NFILZ: variants seen among roughly 807,000 people sequenced by gnomAD.
NFILZ encodes NFIL3 like basic leucine zipper.
chr19:8,639,599 T>TA (rs5827009), intron 3 of NFILZ, among the ~76,000 whole-genome samples: 9,422 of 132,694 alleles, frequency 0.071, 466 homozygotes, highest in East Asian at 0.3. Context: ...TTAAGAAAAT[T>TA]AAAAAAAAAA....
At chr19:8,647,061 G>A (rs1170969716) in intron 3 of NFILZ, among the ~76,000 whole-genome samples, 1 of 152,170 alleles carries the variant, frequency 6.6e-6, no homozygotes, top group African/African-American at 2.4e-5. Flanking sequence ...TGCCTTATAA[G>A]TTTGGGTGAG....
At chr19:8,656,289 C>CCTCCTCCCTGAAGCCCACCTCTTCTCTGA (rs1212956882) in intron 3 of NFILZ, among the ~76,000 whole-genome samples, 3 of 32,958 alleles carry the variant, frequency 9.1e-5, no homozygotes, top group Non-Finnish European at 2.2e-4. Flanking sequence ...CTTCTCCCCA[C>CCTCCTCCCTGAAGCCCACCTCTTCTCTGA]AGCCCACCTC....
At chr19:8,658,284 G>T (rs192906416) in intron 3 of NFILZ, among the ~76,000 whole-genome samples, 1 of 152,088 alleles carries the variant, frequency 6.6e-6, no homozygotes, top group Non-Finnish European at 1.5e-5. Context: ...TCAGCTGCGG[G>T]CACTTCCCCT....
intron 3 of NFILZ, among the ~76,000 whole-genome samples, chr19:8,661,241 C>A (rs1243145969): frequency 2.0e-5 from 3 of 150,486 alleles, no homozygotes; most frequent in Non-Finnish European, 3.0e-5. Flanking sequence ...TAGCTCACTG[C>A]AGCCTCGACC....
intron 3 of NFILZ, among the ~76,000 whole-genome samples, chr19:8,655,454 C>T (rs966512170): frequency 1.3e-5 from 2 of 152,176 alleles, no homozygotes; most frequent in Non-Finnish European, 2.9e-5. Flanking sequence ...ACAGCACCTG[C>T]TCCCTGGGCA....
At chr19:8,631,983 T>A (rs901636238) in intron 1 of NFILZ, among the ~76,000 whole-genome samples, 4 of 151,840 alleles carry the variant, frequency 2.6e-5, no homozygotes, top group African/African-American at 9.7e-5. Context: ...AATTCTTTCG[T>A]CTCAGCCTCT....
rs1446344369 is a variant in NFILZ at position 8,678,766 on chromosome 19, T to C, written c.*1131T>C. On this transcript the variant is annotated 3_prime_UTR_variant, in exon 6 of 6. Coordinates refer to ENST00000691075, the MANE Select transcript of NFILZ (RefSeq NM_001378600.1). Reference sequence around the variant, plus strand: ...ACTCATTTATGTGCTAACTTGTTTATTCATTCATTCTCTTACTCATTAATT... The same window carrying C: ...ACTCATTTATGTGCTAACTTGTTTACTCATTCATTCTCTTACTCATTAATT... Among the ~76,000 whole-genome samples, 11 of 152,208 alleles carry C rather than the reference T, an allele frequency of 7.2e-5. No individual in the cohort carries two copies. The highest frequency in any genetic ancestry group is 1.0e-4 in the Non-Finnish European group (7 of 68,042).
At chr19:8,665,119 A>G (rs2043055821) in intron 3 of NFILZ, among the ~76,000 whole-genome samples, 1 of 152,166 alleles carries the variant, frequency 6.6e-6, no homozygotes. Flanking sequence ...GGGCAGACCC[A>G]GAGAGATTGC....
chr19:8,659,010 C>A (rs1434585061), intron 3 of NFILZ, among the ~76,000 whole-genome samples: 4 of 151,922 alleles, frequency 2.6e-5, no homozygotes, highest in Admixed American at 2.0e-4. Context: ...CTTTGGGAGG[C>A]CAAGCTGGGT....
intron 3 of NFILZ, among the ~76,000 whole-genome samples, chr19:8,672,483 CAA>C (rs1209019668): frequency 6.6e-6 from 1 of 150,868 alleles, no homozygotes; most frequent in Non-Finnish European, 1.5e-5. Context: ...TTAGTTCATT[CAA>C]AAAAAATCCA....
chr19:8,679,159 C>T lies in NFILZ; in HGVS notation c.*1524C>T, dbSNP rs1471748619. Among the ~76,000 whole-genome samples, 2 of 145,376 alleles carry T rather than the reference C, an allele frequency of 1.4e-5. No homozygotes were observed. Among genetic ancestry groups the T allele is most frequent in the African/African-American group, 5.2e-5 (2 of 38,710 alleles). ...CCCCTGCCCCTGAGAACCAGGTATA[C>T]ACCCACCCAGGTGGAAGGGTCCATT... On this transcript the variant is annotated 3_prime_UTR_variant, in exon 6 of 6. Coordinates refer to ENST00000691075, the MANE Select transcript of NFILZ (RefSeq NM_001378600.1).
At chr19:8,655,988 C>T (rs568596916) in intron 3 of NFILZ, among the ~76,000 whole-genome samples, 1 of 152,010 alleles carries the variant, frequency 6.6e-6, no homozygotes, top group Non-Finnish European at 1.5e-5. Flanking sequence ...CTGCCCCATC[C>T]AAGCCCTGCT....
chr19:8,669,141 C>T (rs537035232), intron 3 of NFILZ, among the ~76,000 whole-genome samples: 107 of 152,282 alleles, frequency 7.0e-4, no homozygotes, highest in African/African-American at 2.5e-3. Context: ...GACAGGGTTT[C>T]GCCATGTTGG....
chr19:8,669,372 T>C (rs2043076950), intron 3 of NFILZ, among the ~76,000 whole-genome samples: 1 of 152,206 alleles, frequency 6.6e-6, no homozygotes, highest in Admixed American at 6.5e-5. Context: ...GTACTGCTAT[T>C]ATTCCCCTTT....
chr19:8,657,304 A>G (rs1555748620), intron 3 of NFILZ, among the ~76,000 whole-genome samples: 1 of 150,962 alleles, frequency 6.6e-6, no homozygotes, highest in East Asian at 2.0e-4. Context: ...GGGTTTCATC[A>G]TGTTGGCCAG....
chr19:8,640,493 C>T (rs1011926714), intron 3 of NFILZ, among the ~76,000 whole-genome samples: 12 of 151,944 alleles, frequency 7.9e-5, no homozygotes, highest in African/African-American at 2.9e-4. Flanking sequence ...ACTTAGGACA[C>T]CCGGGGCCAA....
intron 3 of NFILZ, among the ~76,000 whole-genome samples, chr19:8,653,007 C>CTTT (rs1568420430): frequency 1.4e-3 from 63 of 46,594 alleles, no homozygotes; most frequent in East Asian, 2.2e-3. Flanking sequence ...TTCCTTCCTT[C>CTTT]CTTCCTTTCT....
chr19:8,655,319 G>A (rs1176395637), intron 3 of NFILZ, among the ~76,000 whole-genome samples: 2 of 152,174 alleles, frequency 1.3e-5, no homozygotes, highest in East Asian at 3.9e-4. Context: ...GGAGACTTTA[G>A]CTGTGGCCAG....
intron 3 of NFILZ, among the ~76,000 whole-genome samples, chr19:8,673,016 G>A (rs545792020): frequency 6.6e-6 from 1 of 152,204 alleles, no homozygotes; most frequent in South Asian, 2.1e-4. Context: ...ATGCTTGGGC[G>A]GGGACCAGGG....
Sources: gnomAD v4.1 joint callset for allele counts (sites outside exome capture counted in the v4.1 genomes callset) on GRCh38, gnomAD v4.1.1 for gene constraint, MANE v1.5 for transcripts, NCBI Gene and HGNC (gene_info 2026-07-23, HGNC 2026-07-21) for gene names.